Variants in DPP6 observed in about 807,000 individuals in gnomAD.
The protein encoded by DPP6 is dipeptidyl peptidase like 6.
A neutral mutation model predicts 122.6 loss-of-function variants in DPP6; 69 were observed. That is an observed-to-expected ratio of 0.56 (90% CI 0.46 to 0.69). DPP6 has a LOEUF of 0.69. Among genes scored for constraint, DPP6 ranks in the 30% least tolerant of loss-of-function variants. The pLI, the probability that DPP6 is intolerant of heterozygous loss-of-function variation, is 0.00. For synonymous variants in DPP6, 418 were observed against 433.1 expected (o/e 0.97, Z 0.43); for missense variants, 928 against 1,116.9 (o/e 0.83, Z 2.41).
intron 1 of DPP6, among the ~76,000 whole-genome samples, chr7:154,178,377 T>C (rs1260074914): frequency 7.9e-5 from 12 of 151,726 alleles, no homozygotes; most frequent in African/African-American, 2.7e-4. Flanking sequence ...TTTTTTTTTT[T>C]CCTTCTATCT....
At chr7:154,732,206 ATT>A (rs5888591) in intron 8 of DPP6, among the ~76,000 whole-genome samples, 160 of 149,112 alleles carry the variant, frequency 1.1e-3, no homozygotes, top group Non-Finnish European at 2.0e-3. Context: ...TGCCCGGCTA[ATT>A]TTTTTTTTTT....
At chr7:154,644,824 G>A (rs369531143) in intron 6 of DPP6, among the ~76,000 whole-genome samples, 3 of 148,602 alleles carry the variant, frequency 2.0e-5, no homozygotes, top group South Asian at 2.2e-4. Flanking sequence ...TTCTTCTACC[G>A]CAGCCTCCTG....
chr7:153,794,747 T>C, the DPP6 span, among the ~76,000 whole-genome samples: 1 of 152,128 alleles, frequency 6.6e-6, no homozygotes, highest in Non-Finnish European at 1.5e-5. Flanking sequence ...AGAATTTCCA[T>C]ATGTTGTAGG....
intron 1 of DPP6, among the ~76,000 whole-genome samples, chr7:154,137,658 T>TGGGGGGGGGG (rs1163077821): frequency 2.1e-5 from 1 of 48,384 alleles, no homozygotes; most frequent in African/African-American, 7.4e-5. Flanking sequence ...GGTGGGGGGG[T>TGGGGGGGGGG]GGGGGGGGTG....
chr7:154,312,790 G>T (rs556487253), intron 1 of DPP6, among the ~76,000 whole-genome samples: 1 of 152,210 alleles, frequency 6.6e-6, no homozygotes, highest in African/African-American at 2.4e-5. Context: ...AAAAAGGATT[G>T]GTTCAACCCT....
chr7:154,400,102 G>A (rs569641674), intron 1 of DPP6, among the ~76,000 whole-genome samples: 4 of 152,228 alleles, frequency 2.6e-5, no homozygotes, highest in Non-Finnish European at 5.9e-5. Context: ...TATTTGGTGT[G>A]TCCTGGAGGT....
chr7:154,778,888 C>A (rs546998561), intron 10 of DPP6, among the ~76,000 whole-genome samples: 2 of 148,198 alleles, frequency 1.3e-5, no homozygotes, highest in Non-Finnish European at 3.0e-5. Context: ...AACACTACAA[C>A]CTTCACCACC....
At chr7:154,257,208 C>T (rs925233033) in intron 1 of DPP6, among the ~76,000 whole-genome samples, 4 of 151,782 alleles carry the variant, frequency 2.6e-5, no homozygotes, top group Admixed American at 1.3e-4. Flanking sequence ...AGGCTGGTCT[C>T]GTGCTCCTGC....
At chr7:153,901,120 C>T (rs979806183) in intron 1 of DPP6, among the ~76,000 whole-genome samples, 6 of 152,126 alleles carry the variant, frequency 3.9e-5, no homozygotes, top group African/African-American at 9.7e-5. Flanking sequence ...GGCTTTTCTT[C>T]TTCTTCTTCT....
intron 7 of DPP6, among the ~76,000 whole-genome samples, chr7:154,674,702 G>A (rs1292792583): frequency 6.6e-6 from 1 of 152,202 alleles, no homozygotes; most frequent in African/African-American, 2.4e-5. Flanking sequence ...TCAACGCAGA[G>A]AGCGTCAAAA....
At chr7:154,708,185 A>C (rs1229609214) in intron 7 of DPP6, among the ~76,000 whole-genome samples, 2 of 152,182 alleles carry the variant, frequency 1.3e-5, no homozygotes, top group African/African-American at 2.4e-5. Flanking sequence ...AAAGCACATA[A>C]CCACGTGTAT....
chr7:154,441,122 A>G (rs752367411), intron 1 of DPP6, among the ~76,000 whole-genome samples: 3 of 152,186 alleles, frequency 2.0e-5, no homozygotes, highest in Non-Finnish European at 4.4e-5. Context: ...TGGAGTCACA[A>G]TTATGGATCC....
rs536896629 is a variant in DPP6, at chr7:154,005,434, C to T, written c.51+117700C>T. Among the ~76,000 whole-genome samples, 203 of 151,530 alleles carry T rather than the reference C, an allele frequency of 1.3e-3. 1 individual carries two copies. The highest frequency in any genetic ancestry group is 3.8e-3 in the African/African-American group (155 of 41,292). The stretch of plus-strand genomic sequence containing the variant: ...GTGGTTTGTCCTTGTGGTCAGACCC[C>T]GGGATTTGACTTTTAAGAATACTCT... On this transcript the variant is annotated intron_variant, in intron 1 of 25. Transcript: ENST00000404039.
At chr7:154,194,986 A>G (rs1798793206) in intron 1 of DPP6, among the ~76,000 whole-genome samples, 1 of 152,074 alleles carries the variant, frequency 6.6e-6, no homozygotes, top group African/African-American at 2.4e-5. Context: ...AAAATTCCTC[A>G]TTTTGATGAC....
chr7:154,790,841 G>C (rs1418903670), intron 10 of DPP6, among the ~76,000 whole-genome samples: 1 of 142,548 alleles, frequency 7.0e-6, no homozygotes, highest in Admixed American at 7.0e-5. Context: ...GGAAAGGAAG[G>C]AGGGAGGGAG....
chr7:154,503,273 T>G (rs1825400355), intron 3 of DPP6, among the ~76,000 whole-genome samples: 1 of 152,228 alleles, frequency 6.6e-6, no homozygotes, highest in South Asian at 2.1e-4. Flanking sequence ...CATCTTCACT[T>G]GCCAGGCCAG....
At chr7:154,154,463 A>G (rs1242066202) in intron 1 of DPP6, among the ~76,000 whole-genome samples, 1 of 152,244 alleles carries the variant, frequency 6.6e-6, no homozygotes, top group African/African-American at 2.4e-5. Context: ...CAGATCTTCT[A>G]CAAAGCAAAC....
intron 1 of DPP6, among the ~76,000 whole-genome samples, chr7:153,896,363 A>T (rs977414643): frequency 6.6e-6 from 1 of 152,184 alleles, no homozygotes; most frequent in East Asian, 1.9e-4. Flanking sequence ...TTAATATTCT[A>T]TACCTTCTTG....
chr7:154,274,816 T>G (rs1467742184), intron 1 of DPP6, among the ~76,000 whole-genome samples: 1 of 152,220 alleles, frequency 6.6e-6, no homozygotes, highest in Admixed American at 6.5e-5. Flanking sequence ...CTGAAGTCAC[T>G]GTTTCTCTTG....
Sources: gnomAD v4.1 joint callset for allele counts (sites outside exome capture counted in the v4.1 genomes callset) on GRCh38, gnomAD v4.1.1 for gene constraint, MANE v1.5 for transcripts, NCBI Gene and HGNC (gene_info 2026-07-23, HGNC 2026-07-21) for gene names.